SYTL3: variants seen among roughly 807,000 people sequenced by gnomAD.
SYTL3 encodes synaptotagmin like 3.
SYTL3 carries 88 observed loss-of-function variants against 82.1 expected under a neutral mutation model. That is an observed-to-expected ratio of 1.07 (90% CI 0.90 to 1.28). SYTL3 has a LOEUF of 1.28. Ranked by LOEUF, SYTL3 falls within the 50% of genes most tolerant of loss-of-function variation. The pLI, the probability that SYTL3 is intolerant of heterozygous loss-of-function variation, is 0.00. For synonymous variants in SYTL3, 311 were observed against 289.4 expected, an observed-to-expected ratio of 1.07 and a Z score of -0.76; for missense variants, 831 against 757.6, an observed-to-expected ratio of 1.10 and a Z score of -1.14.
At chr6:158,717,164 C>T (rs912362284) in intron 9 of SYTL3, among the ~76,000 whole-genome samples, 8 of 152,076 alleles carry the variant, frequency 5.3e-5, no homozygotes, top group African/African-American at 1.9e-4. Flanking sequence ...ATCCCAGCTA[C>T]TTGGGAGGCT....
At chr6:158,752,228 CAG>C in intron 13 of SYTL3, among the ~76,000 whole-genome samples, 198 bp downstream of exon 13, 1 of 152,296 alleles carries the variant, frequency 6.6e-6, no homozygotes, top group South Asian at 2.1e-4. Context: ...AGGAAAAGTG[CAG>C]AGTCTGCCAG....
intron 9 of SYTL3, 148 bp downstream of exon 9, chr6:158,714,026 C>G (rs545989548): frequency 4.6e-6 from 3 of 649,948 alleles, no homozygotes; most frequent in Non-Finnish European, 8.3e-6. Flanking sequence ...CAGCACCTGG[C>G]CCTTCATCTC....
At position 158,762,123 on chromosome 6, in the gene SYTL3, G is replaced by A; in HGVS notation, c.1462G>A (p.Gly488Arg). Residue 488 changes from glycine to arginine, a missense_variant, in exon 16 of 18, where the codon GGA (glycine) becomes AGA (arginine). By Grantham distance (125) the Gly-to-Arg change is moderately radical. Transcript: ENST00000611299. ...LHGQLCLVVLGAKNLPVRPDG... is the reference protein window; with the variant it reads ...LHGQLCLVVLRAKNLPVRPDG... ...TGGTCAACTTTGTTTGGTAGTGCTAGGAGCCAAGAATTTACCTGTGCGGCC... is the reference window on the plus strand; with the variant it reads ...TGGTCAACTTTGTTTGGTAGTGCTAAGAGCCAAGAATTTACCTGTGCGGCC... The A allele has an allele frequency of 6.2e-7, 1 of 1,613,988 alleles. No individual in the cohort carries two copies. Among genetic ancestry groups the A allele is most frequent in the Non-Finnish European group, 8.5e-7 (1 of 1,179,988 alleles).
At chr6:158,704,932 G>A (rs879435672) in intron 6 of SYTL3, among the ~76,000 whole-genome samples, 3 of 21,504 alleles carry the variant, frequency 1.4e-4, no homozygotes, top group South Asian at 2.3e-3. Context: ...AGTGAGGGCT[G>A]TAAGGCCACA....
intron 11 of SYTL3, among the ~76,000 whole-genome samples, chr6:158,727,480 C>A (rs78112425): frequency 2.0e-5 from 3 of 152,032 alleles, no homozygotes; most frequent in Admixed American, 1.3e-4. Context: ...CTAGAACTTT[C>A]ATTCTTCCTT....
chr6:158,651,406 C>T (rs991911867), intron 1 of SYTL3, among the ~76,000 whole-genome samples: 1 of 152,002 alleles, frequency 6.6e-6, no homozygotes, highest in African/African-American at 2.4e-5. Context: ...TCCTGGCCAA[C>T]ATGGTGAAAC....
chr6:158,701,269 GAT>G lies in SYTL3; in HGVS notation c.395-5960_395-5959del, dbSNP rs1583288381. The stretch of plus-strand genomic sequence containing the variant: ...ATGAAGGAGTGTGAGCTGGGGTGTA[GAT>G]GAAGGAGTGTGAGCTGGGGTGTAGA... On this transcript the variant is annotated intron_variant, in intron 6 of 17. Coordinates refer to ENST00000611299, the MANE Select transcript of SYTL3 (RefSeq NM_001242394.2). 2.0e-3 allele frequency among the ~76,000 whole-genome samples: 9 copies of G among 4,486 alleles called. 1 individual carries two copies. Among genetic ancestry groups the G allele is most frequent in the African/African-American group, 4.7e-3 (3 of 632 alleles). 2.9% of individuals were successfully genotyped at this position (4,486 alleles called of 152,430 possible).
chr6:158,747,067 A>G (rs925510290), intron 12 of SYTL3, among the ~76,000 whole-genome samples: 5 of 152,108 alleles, frequency 3.3e-5, no homozygotes, highest in Non-Finnish European at 5.9e-5. Flanking sequence ...GCTCACTGCA[A>G]CCTCTGCCTC....
At chr6:158,711,133 T>C (rs1047323617) in intron 8 of SYTL3, among the ~76,000 whole-genome samples, 4 of 152,240 alleles carry the variant, frequency 2.6e-5, no homozygotes, top group Admixed American at 2.0e-4. Context: ...TGGTTCTTGC[T>C]CCAGTCGTTG....
In SYTL3 at chr6:158,745,487, T is replaced by G; in HGVS notation, c.863T>G (p.Leu288Ter). ...IFSGGFRHGS[L>*]ISIDSTCTEM... is the part of the protein sequence containing the mutation. ...TGTTATTCTTGATTTCAGGGAAGTT[T>G]AATTAGCATTGACAGCACCTGTACA... The change falls in exon 12 of 18, where the codon TTA becomes TGA. Residue 288 changes from leucine to a stop codon, truncating the protein, a stop_gained. Coordinates refer to ENST00000611299, the MANE Select transcript of SYTL3 (RefSeq NM_001242394.2). LOFTEE classifies it high-confidence loss of function. 6.2e-7 allele frequency: 1 copy of G among 1,607,386 alleles called. No individual in the cohort carries two copies. Among genetic ancestry groups the G allele is most frequent in the Non-Finnish European group, 8.5e-7 (1 of 1,178,482 alleles).
chr6:158,714,177 C>T (rs1222549524), intron 9 of SYTL3, among the ~76,000 whole-genome samples: 1 of 152,152 alleles, frequency 6.6e-6, no homozygotes, highest in Non-Finnish European at 1.5e-5. Context: ...CATGGTGAAA[C>T]CCTGTCTCCA....
At chr6:158,743,413 C>G (rs1787183823) in intron 11 of SYTL3, among the ~76,000 whole-genome samples, 1 of 152,142 alleles carries the variant, frequency 6.6e-6, no homozygotes, top group African/African-American at 2.4e-5. Flanking sequence ...GTGTGTAACA[C>G]CATTTAGTCT....
At chr6:158,700,907 C>A (rs1429201237) in intron 6 of SYTL3, among the ~76,000 whole-genome samples, 1 of 152,340 alleles carries the variant, frequency 6.6e-6, no homozygotes, top group East Asian at 1.9e-4. Context: ...TGAGCCACCG[C>A]ACCTGGCCTG....
At chr6:158,652,306 G>T (rs1201734203) in intron 2 of SYTL3, among the ~76,000 whole-genome samples, 1 of 151,880 alleles carries the variant, frequency 6.6e-6, no homozygotes, top group Non-Finnish European at 1.5e-5. Flanking sequence ...AGAGTGCAGT[G>T]GCTGCAATTT....
At chr6:158,652,002 A>G (rs1270318530) in intron 2 of SYTL3, among the ~76,000 whole-genome samples, 160 bp downstream of exon 2, 1 of 147,240 alleles carries the variant, frequency 6.8e-6, no homozygotes, top group Non-Finnish European at 1.5e-5. Context: ...ATCTCGGTTC[A>G]CTGCAACCCC....
chr6:158,649,373 G>A (rs1205017636), upstream of SYTL3, among the ~76,000 whole-genome samples: 2 of 152,232 alleles, frequency 1.3e-5, no homozygotes, highest in Non-Finnish European at 2.9e-5. Context: ...AGCAGCCTGT[G>A]TCTGGAGTCA....
rs1783643329 is a variant in SYTL3 at position 158,718,163 on chromosome 6, GAC to G, written c.674_675del (p.Thr225ArgfsTer7). 6.5e-7 allele frequency: 1 copy of G among 1,545,944 alleles called. No individual in the cohort carries two copies. Among genetic ancestry groups the G allele is most frequent in the South Asian group, 1.2e-5 (1 of 83,296 alleles). ...CGGGCCCCAGGCAGTGTGTGGGACA[GAC>G]AGAGAGACGGAGCCAGTCTGACACT... ...ATGPRQCVGQTERRSQSDTAV... is the reference protein window; with the variant it reads ...ATGPRQCVGQXERRSQSDTAV... On this transcript the variant is annotated frameshift_variant, in exon 10 of 18. Transcript: ENST00000611299. LOFTEE classifies it high-confidence loss of function.
intron 6 of SYTL3, among the ~76,000 whole-genome samples, chr6:158,700,257 AT>A (rs1446588107): frequency 3.3e-5 from 5 of 151,810 alleles, no homozygotes; most frequent in African/African-American, 9.7e-5. Flanking sequence ...ACTCTGTCTC[AT>A]AAATAAATAA....
chr6:158,728,089 GT>G lies in SYTL3; in HGVS notation c.855+2457del, dbSNP rs369805178. Among the ~76,000 whole-genome samples, 105 of 152,216 alleles carry G rather than the reference GT, an allele frequency of 6.9e-4. 1 individual carries two copies. The highest frequency in any genetic ancestry group is 2.4e-3 in the African/African-American group (100 of 41,540). ...AAATATTGGTGTCTTTTGATTTTGT[GT>G]TTTTATAATTTTGATGAAGTCTGAT... On this transcript the variant is annotated intron_variant, in intron 11 of 17. Transcript: ENST00000611299.
Sources: allele counts gnomAD v4.1 joint callset (sites outside exome capture counted in the v4.1 genomes callset), GRCh38; gene constraint gnomAD v4.1.1; transcripts MANE v1.5; gene names NCBI Gene and HGNC (gene_info 2026-07-23, HGNC 2026-07-21).